Variants in CSMD1 observed in about 807,000 individuals in gnomAD.
CSMD1 encodes the protein CUB and sushi domain-containing protein 1.
In CSMD1, 213 loss-of-function variants were observed where a neutral mutation model predicts 417.5. The ratio of observed to expected loss-of-function variants is 0.51; its 90% CI spans 0.46 to 0.57. The LOEUF (loss-of-function observed/expected upper bound fraction) is 0.57. CSMD1 is among the 20% of genes least tolerant of loss of function. The pLI is 0.00. For missense variants in CSMD1, 6,923 were observed against 4,529.7 expected (o/e 1.53, Z -15.17); for synonymous variants, 2,862 against 1,736.8 (o/e 1.65, Z -16.11).
intron 3 of CSMD1, among the ~76,000 whole-genome samples, chr8:4,214,481 A>G (rs1163635953): frequency 6.6e-6 from 1 of 152,218 alleles, no homozygotes; most frequent in East Asian, 1.9e-4. Context: ...TATTTTTGGT[A>G]GTGAAAGGGT....
intron 4 of CSMD1, among the ~76,000 whole-genome samples, chr8:4,020,503 C>A (rs1393051703): frequency 6.6e-6 from 1 of 152,170 alleles, no homozygotes; most frequent in East Asian, 1.9e-4. Context: ...GTCCAGATCT[C>A]ACCTCTACTG....
At chr8:3,681,487 G>A (rs546399113) in intron 7 of CSMD1, among the ~76,000 whole-genome samples, 3 of 152,306 alleles carry the variant, frequency 2.0e-5, no homozygotes, top group South Asian at 4.1e-4. Flanking sequence ...TACAAGGGAT[G>A]TGAAGGACCT....
rs895018512 is a variant in CSMD1 at position 3,957,301 on chromosome 8, AT to A, written c.818+40601del. ...CATGTACTTTTGTGCCCTCAGAAAT[AT>A]TTTTTTAGTTGTTTCTTTCATTCAA... is the stretch of plus-strand genomic sequence containing the variant. On this transcript the variant is annotated intron_variant, in intron 5 of 69. Transcript: ENST00000635120. 3.3e-4 allele frequency among the ~76,000 whole-genome samples: 51 copies of A among 152,260 alleles called. No individual in the cohort carries two copies. In the East Asian group the frequency reaches 8.7e-3, roughly 26 times the overall value.
rs190162765 is a variant in CSMD1 at position 4,050,449 on chromosome 8, G to A, written c.416-18350C>T. Reference sequence around the variant, plus strand: ...TTTTGCATATATACATACTTATGGGGTACATATTTTGATACAGGCATACGA... The same window carrying A: ...TTTTGCATATATACATACTTATGGGATACATATTTTGATACAGGCATACGA... On this transcript the variant is annotated intron_variant, in intron 3 of 69. Transcript: ENST00000635120. 4.6e-5 allele frequency among the ~76,000 whole-genome samples: 7 copies of A among 151,898 alleles called. No individual in the cohort carries two copies. The East Asian group carries it at 1.4e-3, about 29-fold the overall frequency.
chr8:4,478,954 C>G (rs1013403241), intron 2 of CSMD1, among the ~76,000 whole-genome samples: 1 of 152,168 alleles, frequency 6.6e-6, no homozygotes, highest in African/African-American at 2.4e-5. Flanking sequence ...GAAATTTTCT[C>G]AACCTTAGTT....
At chr8:3,109,704 C>T (rs1816376181) in intron 43 of CSMD1, among the ~76,000 whole-genome samples, 2 of 152,006 alleles carry the variant, frequency 1.3e-5, no homozygotes, top group Non-Finnish European at 2.9e-5. Context: ...GCTCCTGCTC[C>T]CCCTGTGGGC....
Position 4,884,588 on chromosome 8 carries a change from T to C in CSMD1, c.85+109744A>G, listed in dbSNP as rs147388557. Among the ~76,000 whole-genome samples the C allele has an allele frequency of 1.2e-3, 176 of 152,204 alleles. 1 individual carries two copies. The highest frequency in any genetic ancestry group is 4.2e-3 in the African/African-American group (173 of 41,514). ...TGGGCTTCGACTTCATCACTTTGCATTTGAATATCTAGTTGTTCTAGCATA... is the reference window on the plus strand; with the variant it reads ...TGGGCTTCGACTTCATCACTTTGCACTTGAATATCTAGTTGTTCTAGCATA... On this transcript the variant is annotated intron_variant, in intron 1 of 69. Transcript: ENST00000635120.
At chr8:4,904,429 A>C (rs550351045) in intron 1 of CSMD1, among the ~76,000 whole-genome samples, 296 of 152,338 alleles carry the variant, frequency 1.9e-3, no homozygotes, top group African/African-American at 7.0e-3. Context: ...TCTCACAAAT[A>C]AAACTAGCTA....
chr8:4,349,093 A>C (rs1427139388), intron 3 of CSMD1, among the ~76,000 whole-genome samples: 1 of 152,226 alleles, frequency 6.6e-6, no homozygotes, highest in African/African-American at 2.4e-5. Context: ...TCAAATTACA[A>C]AATGAGCTGA....
At chr8:3,806,012 C>T (rs1382046375) in intron 5 of CSMD1, among the ~76,000 whole-genome samples, 2 of 152,246 alleles carry the variant, frequency 1.3e-5, no homozygotes, top group East Asian at 1.9e-4. Context: ...CTGGGGGAGA[C>T]CTGGAGCAGC....
chr8:3,908,450 G>A (rs981140473), intron 5 of CSMD1, among the ~76,000 whole-genome samples: 1 of 151,858 alleles, frequency 6.6e-6, no homozygotes, highest in Non-Finnish European at 1.5e-5. Context: ...GCAGATTTTC[G>A]GTGCACACAC....
intron 2 of CSMD1, among the ~76,000 whole-genome samples, chr8:4,476,382 T>G (rs928249054): frequency 2.6e-5 from 4 of 152,168 alleles, no homozygotes; most frequent in African/African-American, 9.7e-5. Flanking sequence ...TGGCTTTACA[T>G]TTTGGAATTT....
rs60811798 is a variant in CSMD1, at chr8:3,074,123, C to T, written c.7474+12974G>A. 6.0e-3 allele frequency among the ~76,000 whole-genome samples: 912 copies of T among 152,274 alleles called. 11 individuals are homozygous for T. The highest frequency in any genetic ancestry group is 0.02 in the African/African-American group (851 of 41,572). On this transcript the variant is annotated intron_variant, in intron 49 of 69. Coordinates refer to ENST00000635120, the MANE Select transcript of CSMD1 (RefSeq NM_033225.6). The stretch of plus-strand genomic sequence containing the variant: ...GGCAGAAATACGTTTCTTGCATTTG[C>T]GCAGCTGAATGTTTCCTGACTGGCT...
intron 3 of CSMD1, among the ~76,000 whole-genome samples, chr8:4,323,492 G>A (rs59433138): frequency 0.67 from 100,954 of 151,618 alleles, 34,637 homozygotes; most frequent in African/African-American, 0.84. Context: ...GGCTTTCTCT[G>A]AAACCTGTTA....
At chr8:3,441,189 C>A (rs1404672945) in intron 12 of CSMD1, among the ~76,000 whole-genome samples, 1 of 152,086 alleles carries the variant, frequency 6.6e-6, no homozygotes, top group Non-Finnish European at 1.5e-5. Context: ...AATGGTTTCT[C>A]TCCCCGGGAG....
At chr8:4,175,557 C>G (rs1216715205) in intron 3 of CSMD1, among the ~76,000 whole-genome samples, 1 of 151,998 alleles carries the variant, frequency 6.6e-6, no homozygotes, top group Non-Finnish European at 1.5e-5. Flanking sequence ...TAAAACCAGC[C>G]CTTAGATTTT....
At chr8:4,573,469 T>C (rs931359196) in intron 2 of CSMD1, among the ~76,000 whole-genome samples, 5 of 152,122 alleles carry the variant, frequency 3.3e-5, no homozygotes, top group Non-Finnish European at 7.4e-5. Flanking sequence ...ACAGCAAAGA[T>C]TGCTGCCTGT....
intron 1 of CSMD1, among the ~76,000 whole-genome samples, chr8:4,643,021 T>G (rs1024121466): frequency 9.2e-5 from 14 of 152,200 alleles, no homozygotes; most frequent in African/African-American, 3.4e-4. Context: ...GACTTGGGAA[T>G]GTATAATTGT....
At chr8:4,726,264 C>T (rs1809435813) in intron 1 of CSMD1, among the ~76,000 whole-genome samples, 1 of 151,832 alleles carries the variant, frequency 6.6e-6, no homozygotes, top group Non-Finnish European at 1.5e-5. Flanking sequence ...AGCCTTGCCC[C>T]GCTTCTTTGA....
Sources: gnomAD v4.1 joint callset for allele counts (sites outside exome capture counted in the v4.1 genomes callset) on GRCh38, gnomAD v4.1.1 for gene constraint, MANE v1.5 for transcripts, NCBI Gene and HGNC (gene_info 2026-07-23, HGNC 2026-07-21) for gene names.